CNTNAP5: variants seen among roughly 807,000 people sequenced by gnomAD.
CNTNAP5 encodes the protein contactin-associated protein-like 5.
A neutral mutation model predicts 150.2 loss-of-function variants in CNTNAP5; 72 were observed. The ratio of observed to expected loss-of-function variants is 0.48; its 90% CI spans 0.40 to 0.58. The LOEUF is 0.58. Ranked by LOEUF, CNTNAP5 falls within the 20% of genes least tolerant of loss-of-function variation. CNTNAP5 has a pLI of 0.00. For missense variants in CNTNAP5, 1,636 were observed against 1,626.2 expected (o/e 1.01, Z -0.10); for synonymous variants, 672 against 619.8 (o/e 1.08, Z -1.25).
intron 11 of CNTNAP5, among the ~76,000 whole-genome samples, chr2:124,574,022 G>T (rs538837725): frequency 1.3e-5 from 2 of 152,268 alleles, no homozygotes; most frequent in African/African-American, 4.8e-5. Context: ...TCATATAAGA[G>T]ACATCCTTTC....
At chr2:124,070,124 A>G (rs1682264003) in intron 1 of CNTNAP5, among the ~76,000 whole-genome samples, 1 of 152,120 alleles carries the variant, frequency 6.6e-6, no homozygotes, top group African/African-American at 2.4e-5. Context: ...CTTTAAAATC[A>G]TGGATTACAA....
At chr2:124,594,425 T>C (rs957285666) in intron 11 of CNTNAP5, among the ~76,000 whole-genome samples, 52 of 152,144 alleles carry the variant, frequency 3.4e-4, no homozygotes, top group African/African-American at 1.1e-3. Flanking sequence ...TTTCTCAGGT[T>C]TGTCAAAGAT....
chr2:124,706,871 A>AAG, intron 13 of CNTNAP5, among the ~76,000 whole-genome samples: 5 of 120,902 alleles, frequency 4.1e-5, no homozygotes, highest in African/African-American at 1.0e-4. Context: ...GGAGAAGGGG[A>AAG]AAGGGAAGAA....
intron 3 of CNTNAP5, among the ~76,000 whole-genome samples, chr2:124,266,623 C>T (rs1377133586): frequency 2.6e-5 from 4 of 152,056 alleles, no homozygotes; most frequent in Non-Finnish European, 5.9e-5. Flanking sequence ...AGTATTTTTC[C>T]TGATGCTTTC....
At chr2:124,768,544 AT>A (rs1681118028) in intron 16 of CNTNAP5, among the ~76,000 whole-genome samples, 1 of 152,078 alleles carries the variant, frequency 6.6e-6, no homozygotes, top group East Asian at 1.9e-4. Context: ...AATTCTTTAC[AT>A]TCCTGATTTC....
intron 13 of CNTNAP5, among the ~76,000 whole-genome samples, chr2:124,678,176 C>T (rs572866071): frequency 6.6e-6 from 1 of 151,838 alleles, no homozygotes; most frequent in Non-Finnish European, 1.5e-5. Context: ...AATAGGAATC[C>T]AACCTAATGA....
intron 13 of CNTNAP5, among the ~76,000 whole-genome samples, chr2:124,717,975 AAAC>A (rs140946612): frequency 0.043 from 6,568 of 152,226 alleles, 498 homozygotes; most frequent in African/African-American, 0.15. Context: ...TCACTCCTGA[AAAC>A]AATATTAAGG....
At chr2:124,299,549 T>C (rs888367388) in intron 3 of CNTNAP5, among the ~76,000 whole-genome samples, 7 of 152,200 alleles carry the variant, frequency 4.6e-5, no homozygotes, top group Non-Finnish European at 7.3e-5. Flanking sequence ...TTGTATTCCA[T>C]GGTGTATATA....
At chr2:124,083,316 C>T (rs1171519581) in intron 1 of CNTNAP5, among the ~76,000 whole-genome samples, 1 of 152,182 alleles carries the variant, frequency 6.6e-6, no homozygotes, top group African/African-American at 2.4e-5. Flanking sequence ...TGTGCCACTG[C>T]ACTCCAGCCC....
At chr2:124,623,143 C>T (rs1299552437) in intron 12 of CNTNAP5, among the ~76,000 whole-genome samples, 1 of 152,058 alleles carries the variant, frequency 6.6e-6, no homozygotes, top group African/African-American at 2.4e-5. Flanking sequence ...TCTGTTCTGG[C>T]CAGGCACTGA....
intron 3 of CNTNAP5, among the ~76,000 whole-genome samples, chr2:124,261,300 G>A (rs1470631204): frequency 2.0e-5 from 3 of 151,976 alleles, no homozygotes; most frequent in African/African-American, 4.8e-5. Flanking sequence ...CAAAAGCCTC[G>A]CTGCCCAAAC....
chr2:124,585,814 G>T (rs1696519480), intron 11 of CNTNAP5, among the ~76,000 whole-genome samples: 1 of 151,710 alleles, frequency 6.6e-6, no homozygotes, highest in African/African-American at 2.4e-5. Context: ...ACAGTAATGA[G>T]GCCAGGTTTA....
intron 3 of CNTNAP5, among the ~76,000 whole-genome samples, chr2:124,275,821 A>G (rs1457827356): frequency 6.6e-6 from 1 of 152,066 alleles, no homozygotes; most frequent in African/African-American, 2.4e-5. Flanking sequence ...GACTTCCACA[A>G]ACTACATGAT....
chr2:124,240,248 G>A (rs890070421), intron 2 of CNTNAP5, among the ~76,000 whole-genome samples: 2 of 152,148 alleles, frequency 1.3e-5, no homozygotes, highest in Non-Finnish European at 2.9e-5. Context: ...CTAGGTGAAC[G>A]TGTTCAAGTA....
At chr2:124,645,973 C>T (rs936819980) in intron 12 of CNTNAP5, among the ~76,000 whole-genome samples, 3 of 152,156 alleles carry the variant, frequency 2.0e-5, no homozygotes, top group Non-Finnish European at 2.9e-5. Flanking sequence ...GCAAAGACAG[C>T]ACCAAGCCAT....
chr2:124,530,333 A>ATAATAAAG, intron 10 of CNTNAP5, among the ~76,000 whole-genome samples: 1 of 152,282 alleles, frequency 6.6e-6, no homozygotes. Context: ...ACATAAATAA[A>ATAATAAAG]TAATAAAGTA....
chr2:124,701,627 C>A (rs1388153771), intron 13 of CNTNAP5, among the ~76,000 whole-genome samples: 2 of 152,072 alleles, frequency 1.3e-5, no homozygotes, highest in Non-Finnish European at 2.9e-5. Flanking sequence ...AATCTACATT[C>A]CTGTGAACAA....
chr2:124,641,530 G>A (rs935318727), intron 12 of CNTNAP5, among the ~76,000 whole-genome samples: 20 of 152,164 alleles, frequency 1.3e-4, no homozygotes, highest in African/African-American at 4.8e-4. Context: ...TCACAAGATT[G>A]CCAATGAGTA....
intron 3 of CNTNAP5, among the ~76,000 whole-genome samples, chr2:124,417,004 C>T (rs1691935348): frequency 7.5e-6 from 1 of 133,048 alleles, no homozygotes; most frequent in Non-Finnish European, 1.5e-5. Flanking sequence ...GTGGTATGAT[C>T]TTGGCTCACT....
Sources: gnomAD v4.1 joint callset for allele counts (sites outside exome capture counted in the v4.1 genomes callset) on GRCh38, gnomAD v4.1.1 for gene constraint, MANE v1.5 for transcripts, NCBI Gene and HGNC (gene_info 2026-07-23, HGNC 2026-07-21) for gene names.